Variants in ZBTB7C observed in about 807,000 individuals in gnomAD.
ZBTB7C encodes zinc finger and BTB domain-containing protein 7C.
A neutral mutation model predicts 25.7 loss-of-function variants in ZBTB7C; 8 were observed. The observed-to-expected ratio is 0.31, with a 90% CI of 0.18 to 0.56. ZBTB7C has a LOEUF of 0.56. Ranked by LOEUF, ZBTB7C falls within the 20% of genes least tolerant of loss-of-function variation. ZBTB7C has a pLI of 0.91. For synonymous variants in ZBTB7C, 394 were observed against 369.0 expected (o/e 1.07, Z -0.78); for missense variants, 824 against 855.2 (o/e 0.96, Z 0.46).
chr18:48,030,196 AG>A (rs547810840), intron 4 of ZBTB7C, among the ~76,000 whole-genome samples: 178 of 152,292 alleles, frequency 1.2e-3, no homozygotes, highest in African/African-American at 4.2e-3. Context: ...CCACTCTATT[AG>A]GGGTTTATCT....
At chr18:48,243,009 A>C (rs1450099296) in intron 2 of ZBTB7C, among the ~76,000 whole-genome samples, 1 of 152,122 alleles carries the variant, frequency 6.6e-6, no homozygotes, top group African/African-American at 2.4e-5. Flanking sequence ...CATGCCCATA[A>C]TCCTAACAAT....
At chr18:48,223,269 G>A (rs571562986) in intron 2 of ZBTB7C, among the ~76,000 whole-genome samples, 2 of 152,190 alleles carry the variant, frequency 1.3e-5, no homozygotes, top group East Asian at 3.9e-4. Context: ...TCCCAGTAGA[G>A]GCCCCCAGAT....
intron 2 of ZBTB7C, among the ~76,000 whole-genome samples, chr18:48,284,591 T>C (rs74850139): frequency 0.053 from 8,086 of 152,054 alleles, 259 homozygotes; most frequent in Non-Finnish European, 0.072. Flanking sequence ...GACAGGTGCT[T>C]GAGACCAAGC....
At chr18:48,066,095 G>A (rs556828568) in intron 3 of ZBTB7C, among the ~76,000 whole-genome samples, 3 of 152,346 alleles carry the variant, frequency 2.0e-5, no homozygotes, top group African/African-American at 7.2e-5. Flanking sequence ...TCATCTGCCA[G>A]CCAGGCATCA....
intron 3 of ZBTB7C, among the ~76,000 whole-genome samples, chr18:48,095,257 A>T (rs2038576218): frequency 6.6e-6 from 1 of 152,126 alleles, no homozygotes; most frequent in South Asian, 2.1e-4. Context: ...GCCATTTTAC[A>T]TAGAGGTGAG....
intron 1 of ZBTB7C, among the ~76,000 whole-genome samples, chr18:48,339,160 C>G (rs946437639): frequency 6.6e-6 from 1 of 152,254 alleles, no homozygotes; most frequent in Non-Finnish European, 1.5e-5. Flanking sequence ...CATCTCCGGA[C>G]AAGTCCAAGG....
In ZBTB7C at chr18:48,098,842, C is replaced by T. The variant is rs551150862; in HGVS notation, c.-16-57719G>A. ...GAGATGTTCTCTTTTTCCTGCGGCACTGAAATTGGAGAGGCCATGAGGCTA... is the reference window on the plus strand; with the variant it reads ...GAGATGTTCTCTTTTTCCTGCGGCATTGAAATTGGAGAGGCCATGAGGCTA... On this transcript the variant is annotated intron_variant, in intron 3 of 4. Transcript: ENST00000590800. 3.3e-5 allele frequency among the ~76,000 whole-genome samples: 5 copies of T among 152,272 alleles called. 1 individual carries two copies. The South Asian group carries it at 1.0e-3, about 32-fold the overall frequency.
chr18:48,252,439 A>G (rs1180654989), intron 2 of ZBTB7C: 1 of 152,228 alleles, frequency 6.6e-6, no homozygotes, highest in Non-Finnish European at 1.5e-5. Flanking sequence ...TGTGATTGGA[A>G]AAGTTACTTC....
chr18:48,192,098 G>T (rs2042211657), intron 2 of ZBTB7C, among the ~76,000 whole-genome samples: 1 of 152,168 alleles, frequency 6.6e-6, no homozygotes, highest in African/African-American at 2.4e-5. Flanking sequence ...CCAGACAAAA[G>T]AATGTAATTC....
At chr18:48,128,863 ATT>A (rs34406460) in intron 3 of ZBTB7C, among the ~76,000 whole-genome samples, 16 of 150,984 alleles carry the variant, frequency 1.1e-4, no homozygotes, top group African/African-American at 3.6e-4. Flanking sequence ...ATTGAAATAA[ATT>A]TTTTTTTTTA....
chr18:48,402,223 G>A (rs2048175356), intron 1 of ZBTB7C, among the ~76,000 whole-genome samples: 1 of 150,952 alleles, frequency 6.6e-6, no homozygotes, highest in Non-Finnish European at 1.5e-5. Context: ...AGTGATGTGG[G>A]TTCATATTTC....
intron 2 of ZBTB7C, among the ~76,000 whole-genome samples, chr18:48,220,744 A>G (rs1170883688): frequency 6.6e-6 from 1 of 152,146 alleles, no homozygotes; most frequent in Non-Finnish European, 1.5e-5. Context: ...TACATATGTC[A>G]ACTCACTCTA....
chr18:48,322,312 G>A (rs2046115074), intron 2 of ZBTB7C, among the ~76,000 whole-genome samples: 1 of 152,120 alleles, frequency 6.6e-6, no homozygotes, highest in Non-Finnish European at 1.5e-5. Context: ...CAGCATCCCT[G>A]ACCTCCACCT....
intron 3 of ZBTB7C, among the ~76,000 whole-genome samples, chr18:48,131,832 G>A (rs1190397444): frequency 6.6e-6 from 1 of 152,118 alleles, no homozygotes; most frequent in Non-Finnish European, 1.5e-5. Flanking sequence ...CTGCTCCCTT[G>A]AGCATATAAA....
chr18:48,062,420 T>C (rs1055184417), intron 3 of ZBTB7C, among the ~76,000 whole-genome samples: 2 of 152,222 alleles, frequency 1.3e-5, no homozygotes, highest in Admixed American at 6.5e-5. Flanking sequence ...CACAAGATCC[T>C]GTCACAGTCA....
At chr18:48,118,417 T>C (rs1025624293) in intron 3 of ZBTB7C, among the ~76,000 whole-genome samples, 6 of 152,250 alleles carry the variant, frequency 3.9e-5, no homozygotes, top group African/African-American at 1.4e-4. Context: ...GCCTTTCTTT[T>C]AAGGATACAA....
intron 3 of ZBTB7C, among the ~76,000 whole-genome samples, chr18:48,108,940 A>G (rs78483748): frequency 0.021 from 3,157 of 152,118 alleles, 38 homozygotes; most frequent in Non-Finnish European, 0.031. Flanking sequence ...TGTATGAAAA[A>G]GTGGGGAGAG....
intron 3 of ZBTB7C, among the ~76,000 whole-genome samples, chr18:48,053,780 G>A (rs1209403582): frequency 1.3e-5 from 2 of 152,212 alleles, no homozygotes; most frequent in Non-Finnish European, 2.9e-5. Flanking sequence ...GAGTGGGAGA[G>A]ACAGTAAAGA....
At chr18:48,290,330 C>A (rs1009155689) in intron 2 of ZBTB7C, among the ~76,000 whole-genome samples, 1 of 152,202 alleles carries the variant, frequency 6.6e-6, no homozygotes, top group Non-Finnish European at 1.5e-5. Flanking sequence ...CAGTCCCAGT[C>A]CCAGCCGTAC....
Sources: gnomAD v4.1 joint callset for allele counts (sites outside exome capture counted in the v4.1 genomes callset) on GRCh38, gnomAD v4.1.1 for gene constraint, MANE v1.5 for transcripts, NCBI Gene and HGNC (gene_info 2026-07-23, HGNC 2026-07-21) for gene names.